RGMA: variants seen among roughly 807,000 people sequenced by gnomAD.
RGMA encodes repulsive guidance molecule A.
In RGMA, 10 loss-of-function variants were observed where a neutral mutation model predicts 23.2. The observed-to-expected ratio is 0.43, with a 90% CI of 0.27 to 0.73. The LOEUF (loss-of-function observed/expected upper bound fraction) is 0.73. Ranked by LOEUF, RGMA falls within the 30% of genes least tolerant of loss-of-function variation. The pLI is 0.20. For synonymous variants in RGMA, 308 were observed against 279.3 expected (o/e 1.10, Z -1.03); for missense variants, 547 against 630.5 (o/e 0.87, Z 1.42).
intron 2 of RGMA, among the ~76,000 whole-genome samples, chr15:93,060,499 C>G (rs1304553793): frequency 6.6e-6 from 1 of 152,180 alleles, no homozygotes; most frequent in Non-Finnish European, 1.5e-5. Context: ...GCGGTGATGC[C>G]CAGGCAATGC....
At chr15:93,050,481 T>C (rs377720219) in intron 3 of RGMA, among the ~76,000 whole-genome samples, 45 of 152,294 alleles carry the variant, frequency 3.0e-4, no homozygotes, top group African/African-American at 1.0e-3. Context: ...CCTGCTGAGA[T>C]CAAAGGTGGC....
Position 93,045,797 on chromosome 15 carries a change from AG to A in RGMA, c.646-93del, listed in dbSNP as rs2054816425. 1.1e-6 allele frequency: 1 copy of A among 948,402 alleles called. No individual in the cohort carries two copies. The highest frequency in any genetic ancestry group is 1.6e-6 in the Non-Finnish European group (1 of 617,670). The allele number at this position is 948,402 out of a possible 1,614,324, so 58.7% of individuals were successfully genotyped here. On this transcript the variant is annotated intron_variant, in intron 3 of 3. Transcript: ENST00000329082. This position sits in a 1 kb window ranked among gnomAD's most constrained non-coding sequence, Gnocchi z 6.9. ...AGATGCTCTAGACTGAGAGGAGGGC[AG>A]GAAGGATCCCCAGGGATGCCCCAGA...
chr15:93,088,645 G>A, intron 1 of RGMA: 1 of 1,027,156 alleles, frequency 9.7e-7, no homozygotes. Flanking sequence ...CACGGTGTAA[G>A]GGACGTGTGC....
chr15:93,055,328 A>G (rs2054996041), intron 2 of RGMA, among the ~76,000 whole-genome samples: 1 of 152,086 alleles, frequency 6.6e-6, no homozygotes, highest in South Asian at 2.1e-4. Context: ...CTCCACCACG[A>G]CCAAATCTGG....
At chr15:93,066,126 C>T in intron 2 of RGMA, 1 of 1,376,646 alleles carries the variant, frequency 7.3e-7, no homozygotes, top group Non-Finnish European at 1.0e-6. Context: ...AACAGCTGCC[C>T]TTCACGGGCA....
chr15:93,046,756 G>A (rs2054830500), intron 3 of RGMA, among the ~76,000 whole-genome samples: 3 of 152,186 alleles, frequency 2.0e-5, no homozygotes, highest in African/African-American at 7.2e-5. Context: ...AAGGAGCAAG[G>A]TGCTGGTCGG....
intron 3 of RGMA, among the ~76,000 whole-genome samples, chr15:93,051,016 C>T (rs924056448): frequency 6.6e-6 from 1 of 152,152 alleles, no homozygotes; most frequent in African/African-American, 2.4e-5. Flanking sequence ...TGGAGTGTAC[C>T]GGCTGCAAGT....
chr15:93,060,406 AGT>A (rs1349218647), intron 2 of RGMA, among the ~76,000 whole-genome samples: 16 of 152,236 alleles, frequency 1.1e-4, no homozygotes, highest in Non-Finnish European at 4.4e-5. Context: ...GTGCAAAGAC[AGT>A]GCTCTGGCCC....
intron 2 of RGMA, among the ~76,000 whole-genome samples, chr15:93,071,952 T>G (rs1895340381): frequency 6.6e-6 from 1 of 152,166 alleles, no homozygotes; most frequent in Admixed American, 6.5e-5. Context: ...GCCCGTGACA[T>G]TGTGTTTATT....
rs560586225 is a variant in RGMA, at chr15:93,041,315, A to G, written c.*3683T>C. 6.6e-6 allele frequency: 1 copy of G among 152,322 alleles called. No individual in the cohort carries two copies. The highest frequency in any genetic ancestry group is 2.1e-4 in the South Asian group (1 of 4,826). The allele number at this position is 152,322 out of a possible 1,614,324, so 9.4% of individuals were successfully genotyped here. Reference sequence around the variant, plus strand: ...GGCGCCCACCTCCGTGTGCTAATGCATTTACCTCCAGGCCGCAGGCCTCCG... The same window carrying G: ...GGCGCCCACCTCCGTGTGCTAATGCGTTTACCTCCAGGCCGCAGGCCTCCG... On this transcript the variant is annotated 3_prime_UTR_variant, in exon 4 of 4. Coordinates refer to ENST00000329082, the MANE Select transcript of RGMA (RefSeq NM_020211.3).
intron 2 of RGMA, among the ~76,000 whole-genome samples, chr15:93,061,894 A>T (rs1166243958): frequency 1.3e-5 from 2 of 152,122 alleles, no homozygotes; most frequent in Non-Finnish European, 2.9e-5. Context: ...GCAGTGCACG[A>T]GGGGGTGTGA....
chr15:93,077,022 C>T (rs1895483372), intron 1 of RGMA, among the ~76,000 whole-genome samples: 1 of 152,100 alleles, frequency 6.6e-6, no homozygotes, highest in Non-Finnish European at 1.5e-5. Context: ...TAGGAGTATG[C>T]CAGGGGAAGT....
At chr15:93,060,551 G>A (rs1894926544) in intron 2 of RGMA, among the ~76,000 whole-genome samples, 1 of 152,204 alleles carries the variant, frequency 6.6e-6, no homozygotes. Context: ...GGGGCGGGGT[G>A]GGCCCTTGGT....
chr15:93,063,947 C>T (rs1034087311), intron 2 of RGMA, among the ~76,000 whole-genome samples: 2 of 152,188 alleles, frequency 1.3e-5, no homozygotes, highest in Non-Finnish European at 1.5e-5. Context: ...AGGTACTGCC[C>T]GTGTCACAGC....
Position 93,043,197 on chromosome 15 carries a change from T to TGGGCGCACACAC in RGMA, c.*1800_*1801insGTGTGTGCGCCC, listed in dbSNP as rs1567175178. 1.3e-5 allele frequency: 2 copies of TGGGCGCACACAC among 150,184 alleles called. No individual in the cohort carries two copies. The highest frequency in any genetic ancestry group is 2.5e-5 in the African/African-American group (1 of 40,196). 9.3% of individuals were successfully genotyped at this position (150,184 alleles called of 1,614,324 possible). ...ACACACATGCCTACATGCACACACATAGGCATGGGCGCACACACAGGCATG... is the reference window on the plus strand; with the variant it reads ...ACACACATGCCTACATGCACACACATGGGCGCACACACAGGCATGGGCGCACACACAGGCATG... On this transcript the variant is annotated 3_prime_UTR_variant, in exon 4 of 4. Transcript: ENST00000329082.
intron 2 of RGMA, among the ~76,000 whole-genome samples, chr15:93,070,094 T>C (rs1192868061): frequency 6.6e-6 from 1 of 152,146 alleles, no homozygotes; most frequent in Non-Finnish European, 1.5e-5. Context: ...AGGGGCCCTT[T>C]CTCATCACCA....
chr15:93,052,424 T>A lies in RGMA; in HGVS notation c.214A>T (p.Thr72Ser). Residue 72 changes from threonine (T) to serine (S), a missense_variant, in exon 3 of 4, where the codon ACC (threonine) becomes TCC (serine). By Grantham distance (58) the Thr-to-Ser change is moderately conservative. Around this residue, in one of 3 missense-constraint regions of RGMA, gnomAD observed 214 missense variants for 234.7 expected, o/e 0.91. Coordinates refer to ENST00000329082, the MANE Select transcript of RGMA (RefSeq NM_020211.3). ...SGSHAPASDD[T>S]PEFCAALRSY... ...CGCAAGGCTGCACAGAACTCGGGGGTGTCGTCTGAGGCTGGGGCGTGGCTG... is the reference window on the plus strand; with the variant it reads ...CGCAAGGCTGCACAGAACTCGGGGGAGTCGTCTGAGGCTGGGGCGTGGCTG... 6.3e-7 allele frequency: 1 copy of A among 1,596,106 alleles called. No individual in the cohort carries two copies. Among genetic ancestry groups the A allele is most frequent in the South Asian group, 1.1e-5 (1 of 90,868 alleles).
chr15:93,059,268 G>C (rs955588287), intron 2 of RGMA, among the ~76,000 whole-genome samples: 2 of 152,160 alleles, frequency 1.3e-5, no homozygotes, highest in Non-Finnish European at 2.9e-5. Flanking sequence ...GACCCATCTG[G>C]TCTCAGGGCA....
At chr15:93,048,343 C>T (rs759440981) in intron 3 of RGMA, among the ~76,000 whole-genome samples, 4 of 152,046 alleles carry the variant, frequency 2.6e-5, no homozygotes, top group African/African-American at 4.8e-5. Flanking sequence ...AGGAGCTGAA[C>T]GAGGGGCAGG....
Sources: gnomAD v4.1 joint callset for allele counts (sites outside exome capture counted in the v4.1 genomes callset) on GRCh38, gnomAD v4.1.1 for gene constraint, gnomAD v4.1.1 regional missense constraint, Gnocchi (gnomAD v3.1) non-coding constraint, MANE v1.5 for transcripts, NCBI Gene and HGNC (gene_info 2026-07-23, HGNC 2026-07-21) for gene names.